The following ARHGEF28 variants were observed in gnomAD, a reference collection of about 807,000 sequenced individuals.
ARHGEF28 encodes the protein 190 kDa guanine nucleotide exchange factor.
Under a neutral mutation model 206.6 loss-of-function variants are expected in ARHGEF28, and 152 were observed. The ratio of observed to expected loss-of-function variants is 0.74; its 90% CI spans 0.64 to 0.84. ARHGEF28 has a LOEUF of 0.84. ARHGEF28 is among the 40% of genes least tolerant of loss of function. The probability of loss-of-function intolerance (pLI) is 0.00; values close to 1 mark genes in which losing one functional copy is unlikely to be tolerated. For synonymous variants in ARHGEF28, 763 were observed against 776.4 expected (o/e 0.98, Z 0.29); for missense variants, 2,028 against 2,073.2 (o/e 0.98, Z 0.42).
At chr5:73,650,975 G>T (rs1400911034) in intron 1 of ARHGEF28, among the ~76,000 whole-genome samples, 1 of 152,204 alleles carries the variant, frequency 6.6e-6, no homozygotes, top group Non-Finnish European at 1.5e-5. Flanking sequence ...AACAACTAGT[G>T]CTTGGAGGAA....
chr5:73,699,378 A>G (rs1561341920), intron 2 of ARHGEF28, among the ~76,000 whole-genome samples: 1 of 151,766 alleles, frequency 6.6e-6, no homozygotes, highest in Non-Finnish European at 1.5e-5. Context: ...CGAGAGAGAG[A>G]GAGAAAGAGA....
chr5:73,691,319 A>ACACT (rs2112264437), intron 2 of ARHGEF28, among the ~76,000 whole-genome samples: 1 of 151,464 alleles, frequency 6.6e-6, no homozygotes, highest in African/African-American at 2.4e-5. Flanking sequence ...ACACACACAC[A>ACACT]CTCATGATAT....
chr5:73,870,253 C>T (rs758984947), intron 21 of ARHGEF28, 44 bp downstream of exon 21: 7 of 1,573,150 alleles, frequency 4.4e-6, no homozygotes, highest in Non-Finnish European at 6.0e-6. Flanking sequence ...CAGTGCGGTT[C>T]AGAGAAAAGA....
chr5:73,909,513 C>G lies in ARHGEF28; in HGVS notation c.4263C>G (p.Pro1421=). The G allele has an allele frequency of 6.2e-7, 1 of 1,606,848 alleles. No homozygotes were observed. Among genetic ancestry groups the G allele is most frequent in the Non-Finnish European group, 8.5e-7 (1 of 1,176,790 alleles). Residue 1421 remains proline, a synonymous_variant, in exon 34 of 36, where the codon CCC becomes CCG. Coordinates refer to ENST00000513042, the MANE Select transcript of ARHGEF28 (RefSeq NM_001177693.2). ...GCCACTCTATCCTCCGAGGCGGCCC[C>G]TTGCAGGACCAGAAGTCTCGCGACG... ...SLGHSILRGG[P]LQDQKSRDAD...
At chr5:73,670,489 G>A (rs901548022) in intron 1 of ARHGEF28, among the ~76,000 whole-genome samples, 1 of 152,154 alleles carries the variant, frequency 6.6e-6, no homozygotes, top group African/African-American at 2.4e-5. Context: ...GTTTTTGTGT[G>A]AACACATTTT....
chr5:73,635,169 C>T (rs1001811687), intron 1 of ARHGEF28, among the ~76,000 whole-genome samples: 9 of 152,164 alleles, frequency 5.9e-5, no homozygotes, highest in Non-Finnish European at 1.3e-4. Context: ...CATGGATAAA[C>T]CCCGTCTCTA....
chr5:73,859,040 G>T (rs540683855), intron 16 of ARHGEF28, among the ~76,000 whole-genome samples: 1 of 152,150 alleles, frequency 6.6e-6, no homozygotes, highest in Non-Finnish European at 1.5e-5. Flanking sequence ...GGATCACTCA[G>T]ACAACAGCTT....
chr5:73,627,673 C>T (rs1413820530), intron 1 of ARHGEF28, among the ~76,000 whole-genome samples: 1 of 152,180 alleles, frequency 6.6e-6, no homozygotes, highest in Non-Finnish European at 1.5e-5. Flanking sequence ...TTTAATACAA[C>T]ATAGTATTTC....
chr5:73,648,170 A>G (rs1265420284), intron 1 of ARHGEF28, among the ~76,000 whole-genome samples: 4 of 152,220 alleles, frequency 2.6e-5, no homozygotes, highest in Non-Finnish European at 4.4e-5. Flanking sequence ...CTTGCCATTA[A>G]CTTACATTCA....
chr5:73,929,031 G>C (rs971418125), intron 35 of ARHGEF28, among the ~76,000 whole-genome samples: 1 of 152,150 alleles, frequency 6.6e-6, no homozygotes, highest in Non-Finnish European at 1.5e-5. Flanking sequence ...CGCCTCCCAG[G>C]TTCATGCCAT....
At chr5:73,837,411 T>C (rs963164514) in intron 10 of ARHGEF28, among the ~76,000 whole-genome samples, 3 of 152,152 alleles carry the variant, frequency 2.0e-5, no homozygotes, top group Non-Finnish European at 4.4e-5. Flanking sequence ...TGCATATATT[T>C]TTGTCATGTT....
chr5:73,920,218 C>T (rs912050517), intron 35 of ARHGEF28, among the ~76,000 whole-genome samples: 42 of 152,264 alleles, frequency 2.8e-4, no homozygotes, highest in African/African-American at 9.9e-4. Flanking sequence ...TTGTTTTAAA[C>T]TTTTTGTAAT....
At chr5:73,851,778 C>T (rs1758721440) in intron 13 of ARHGEF28, among the ~76,000 whole-genome samples, 1 of 152,148 alleles carries the variant, frequency 6.6e-6, no homozygotes, top group Non-Finnish European at 1.5e-5. Flanking sequence ...ATAAAGGCTT[C>T]AAATTCTTCA....
At chr5:73,736,983 C>T (rs1750976411) in intron 2 of ARHGEF28, among the ~76,000 whole-genome samples, 1 of 152,084 alleles carries the variant, frequency 6.6e-6, no homozygotes, top group Non-Finnish European at 1.5e-5. Flanking sequence ...AAGGAGTCCC[C>T]AAGTGTGCTC....
chr5:73,750,769 T>C (rs1174163545), intron 3 of ARHGEF28, among the ~76,000 whole-genome samples: 3 of 152,198 alleles, frequency 2.0e-5, no homozygotes, highest in Non-Finnish European at 2.9e-5. Flanking sequence ...TCTTTTTTAT[T>C]GATTGGTTGG....
At chr5:73,923,710 A>T (rs944577571) in intron 35 of ARHGEF28, among the ~76,000 whole-genome samples, 1 of 152,172 alleles carries the variant, frequency 6.6e-6, no homozygotes, top group Non-Finnish European at 1.5e-5. Flanking sequence ...TGATCTTCTC[A>T]AACAAACTTA....
chr5:73,643,804 G>A (rs1163127755), intron 1 of ARHGEF28, among the ~76,000 whole-genome samples: 4 of 137,354 alleles, frequency 2.9e-5, no homozygotes, highest in African/African-American at 1.3e-4. Context: ...AAAAGGGTGA[G>A]GCCCTGTCTC....
intron 7 of ARHGEF28, among the ~76,000 whole-genome samples, chr5:73,790,147 G>A (rs1301761911): frequency 6.6e-6 from 1 of 151,754 alleles, no homozygotes; most frequent in Admixed American, 6.6e-5. Flanking sequence ...AAAGAGCAAT[G>A]GAAAAAGATC....
chr5:73,716,015 A>G (rs1749563560), intron 2 of ARHGEF28, among the ~76,000 whole-genome samples: 1 of 152,216 alleles, frequency 6.6e-6, no homozygotes, highest in South Asian at 2.1e-4. Flanking sequence ...TTGTTACAAA[A>G]GGAAGGGAGG....
Sources: allele counts gnomAD v4.1 joint callset (sites outside exome capture counted in the v4.1 genomes callset), GRCh38; gene constraint gnomAD v4.1.1; transcripts MANE v1.5; gene names NCBI Gene and HGNC (gene_info 2026-07-23, HGNC 2026-07-21).